The following MTREX variants were observed in gnomAD, a reference collection of about 807,000 sequenced individuals.
MTREX encodes the protein exosome RNA helicase MTR4.
In MTREX, 76 loss-of-function variants were observed where a neutral mutation model predicts 135.4. The ratio of observed to expected loss-of-function variants is 0.56; its 90% confidence interval spans 0.47 to 0.68. The LOEUF (loss-of-function observed/expected upper bound fraction) is 0.68, where lower values mean the gene tolerates loss of function less well. Among genes scored for constraint, MTREX ranks in the 30% least tolerant of loss-of-function variants. MTREX has a pLI of 0.00. For missense variants in MTREX, 920 were observed against 1,262.1 expected, an observed-to-expected ratio of 0.73 and a Z score of 4.11; for synonymous variants, 404 against 401.6, an observed-to-expected ratio of 1.01 and a Z score of -0.07.
chr5:55,322,407 A>C lies in MTREX; in HGVS notation c.215A>C (p.Asp72Ala). Residue 72 changes from aspartate to alanine, a missense_variant, in exon 2 of 27, where the codon GAT becomes GCT. Asp to Ala is a moderately radical substitution (Grantham distance 126). Transcript: ENST00000230640. ...AGAGATGTAGATTTCGAAGGTACAGATGAACCCATTTTTGGAAAGAAGCCC... is the reference window on the plus strand; with the variant it reads ...AGAGATGTAGATTTCGAAGGTACAGCTGAACCCATTTTTGGAAAGAAGCCC... The part of the protein sequence containing the change: ...NKRDVDFEGT[D>A]EPIFGKKPRI... 1 of 1,610,016 alleles carries C rather than the reference A, an allele frequency of 6.2e-7. No homozygotes were observed. The highest frequency in any genetic ancestry group is 8.5e-7 in the Non-Finnish European group (1 of 1,178,094).
chr5:55,405,004 G>A lies in MTREX; in HGVS notation c.2482-421G>A, dbSNP rs184661875. On this transcript the variant is annotated intron_variant, in intron 21 of 26. Coordinates refer to ENST00000230640, the MANE Select transcript of MTREX (RefSeq NM_015360.5). ...TTGTATGTGTGTTTTTAGTACAGAC[G>A]GAGTTTCACCATGTTGGCCAGGAAC... is the stretch of plus-strand genomic sequence containing the variant. Among the ~76,000 whole-genome samples, 202 of 151,678 alleles carry A rather than the reference G, an allele frequency of 1.3e-3. 2 individuals are homozygous for A. The Middle Eastern group carries it at 0.024, about 18-fold the overall frequency.
At chr5:55,411,569 G>T (rs1165521520) in intron 23 of MTREX, among the ~76,000 whole-genome samples, 1 of 152,012 alleles carries the variant, frequency 6.6e-6, no homozygotes, top group Admixed American at 6.6e-5. Flanking sequence ...TTATTAATCA[G>T]ATCAAATATA....
intron 4 of MTREX, 133 bp downstream of exon 4, chr5:55,327,911 C>A: frequency 1.7e-6 from 1 of 592,838 alleles, no homozygotes; most frequent in South Asian, 2.7e-5. Context: ...CAACTAAAGA[C>A]AAATATAATG....
intron 15 of MTREX, among the ~76,000 whole-genome samples, chr5:55,363,507 T>C (rs1048196101): frequency 6.6e-6 from 1 of 151,406 alleles, no homozygotes; most frequent in African/African-American, 2.5e-5. Context: ...GTCTTTATCA[T>C]TGGTTACCTG....
At chr5:55,373,795 G>T (rs1218193337) in intron 16 of MTREX, among the ~76,000 whole-genome samples, 1 of 152,006 alleles carries the variant, frequency 6.6e-6, no homozygotes, top group East Asian at 1.9e-4. Context: ...GGGCAGTCTT[G>T]GGGACTGAAC....
chr5:55,340,029 T>G lies in MTREX; in HGVS notation c.535T>G (p.Leu179Val). ...VCAEYAIALA[L>V]REKQRVIFTS... Reference sequence around the variant, plus strand: ...TTGTAGGTATGCCATTGCATTGGCCTTAAGGGAAAAGCAGCGTGTAATATT... The same window carrying G: ...TTGTAGGTATGCCATTGCATTGGCCGTAAGGGAAAAGCAGCGTGTAATATT... The change falls in exon 6 of 27, where the codon TTA becomes GTA. Residue 179 changes from leucine to valine, a missense_variant. By Grantham distance (32) the Leu-to-Val change is conservative. Coordinates refer to ENST00000230640, the MANE Select transcript of MTREX (RefSeq NM_015360.5). 2 of 1,559,008 alleles carry G rather than the reference T, an allele frequency of 1.3e-6. No homozygotes were observed. Among genetic ancestry groups the G allele is most frequent in the Non-Finnish European group, 1.7e-6 (2 of 1,153,614 alleles).
intron 1 of MTREX, among the ~76,000 whole-genome samples, chr5:55,309,478 A>G (rs1579840139): frequency 1.3e-5 from 2 of 152,310 alleles, no homozygotes; most frequent in Admixed American, 1.3e-4. Flanking sequence ...AGGCAGTGGC[A>G]GAGGAATGGA....
At chr5:55,402,272 A>C (rs1398684236) in intron 21 of MTREX, among the ~76,000 whole-genome samples, 2 of 152,202 alleles carry the variant, frequency 1.3e-5, no homozygotes, top group African/African-American at 4.8e-5. Flanking sequence ...AAGATGAGGA[A>C]ACTGGGACAC....
rs758458777 is a variant in MTREX, at chr5:55,343,400, C to T, written c.851C>T (p.Ala284Val). The T allele has an allele frequency of 6.2e-7, 1 of 1,613,408 alleles. No homozygotes were observed. The highest frequency in any genetic ancestry group is 8.5e-7 in the Non-Finnish European group (1 of 1,179,552). Residue 284 changes from alanine (A) to valine (V), a missense_variant, in exon 8 of 27, where the codon GCT becomes GTT. Ala to Val is a moderately conservative substitution (Grantham distance 64). Coordinates refer to ENST00000230640, the MANE Select transcript of MTREX (RefSeq NM_015360.5). ...PDNVHYVFLS[A>V]TIPNARQFAE... ...AACGTCCACTATGTCTTTCTTTCGG[C>T]TACTATTCCAAATGCCCGACAGTTT...
intron 2 of MTREX, among the ~76,000 whole-genome samples, chr5:55,322,875 C>T (rs1749311317): frequency 6.6e-6 from 1 of 152,168 alleles, no homozygotes; most frequent in Non-Finnish European, 1.5e-5. Flanking sequence ...AGTAGAGTGG[C>T]TGTGCATCTC....
Position 55,374,263 on chromosome 5 carries a change from T to C in MTREX, c.1811-4051T>C, listed in dbSNP as rs549952239. 4.1e-3 allele frequency among the ~76,000 whole-genome samples: 574 copies of C among 140,664 alleles called. 1 individual carries two copies. Among genetic ancestry groups the C allele is most frequent in the Admixed American group, 6.0e-3 (87 of 14,410 alleles). The allele number at this position is 140,664 out of a possible 152,430, so 92.3% of individuals were successfully genotyped here. Reference sequence around the variant, plus strand: ...CGGAGCAAGACTGTCTCAAAAAACATTTATATATATATATATATATATAAA... The same window carrying C: ...CGGAGCAAGACTGTCTCAAAAAACACTTATATATATATATATATATATAAA... On this transcript the variant is annotated intron_variant, in intron 16 of 26. Coordinates refer to ENST00000230640, the MANE Select transcript of MTREX (RefSeq NM_015360.5).
chr5:55,308,156 G>A lies in MTREX; in HGVS notation c.134+9G>A, dbSNP rs371073092. On this transcript the variant is annotated intron_variant, in intron 1 of 26. Coordinates refer to ENST00000230640, the MANE Select transcript of MTREX (RefSeq NM_015360.5). ...TCTGCAGACAAGGCAGGGTAAGGAA[G>A]AAGTTCCAGTTGTTGCTTTTATTTT... is the stretch of plus-strand genomic sequence containing the variant. The A allele has an allele frequency of 6.3e-7, 1 of 1,582,168 alleles. No individual in the cohort carries two copies. Among genetic ancestry groups the A allele is most frequent in the Non-Finnish European group, 8.6e-7 (1 of 1,167,212 alleles).
At chr5:55,349,843 C>T (rs1332567158) in intron 12 of MTREX, among the ~76,000 whole-genome samples, 191 bp downstream of exon 12, 1 of 152,124 alleles carries the variant, frequency 6.6e-6, no homozygotes, top group Non-Finnish European at 1.5e-5. Flanking sequence ...GATTTGCTGC[C>T]TGAAGGAACT....
At chr5:55,380,816 CAT>C (rs1750384592) in intron 18 of MTREX, among the ~76,000 whole-genome samples, 1 of 152,094 alleles carries the variant, frequency 6.6e-6, no homozygotes, top group African/African-American at 2.4e-5. Flanking sequence ...ATGCAGGCCT[CAT>C]AGAATGAGTT....
Position 55,404,036 on chromosome 5 carries a change from C to A in MTREX, c.2482-1389C>A, listed in dbSNP as rs1750763789. On this transcript the variant is annotated intron_variant, in intron 21 of 26. Transcript: ENST00000230640. ...TAAAATGCAGATTTAATATTAGTTC[C>A]CTACCTTTTAGGATTGCTATAAGAA... Among the ~76,000 whole-genome samples, 6 of 152,290 alleles carry A rather than the reference C, an allele frequency of 3.9e-5. 1 individual carries two copies. In the South Asian group the frequency reaches 1.2e-3, roughly 32 times the overall value.
chr5:55,407,647 A>G (rs1750827663), intron 22 of MTREX, among the ~76,000 whole-genome samples: 1 of 152,124 alleles, frequency 6.6e-6, no homozygotes, highest in South Asian at 2.1e-4. Flanking sequence ...CCACTGGCTA[A>G]TGTGTATCCC....
intron 22 of MTREX, 50 bp from the exon 23 acceptor site, chr5:55,410,474 A>G (rs370093099): frequency 4.7e-6 from 5 of 1,055,506 alleles, no homozygotes; most frequent in Non-Finnish European, 5.8e-6. Context: ...ATGTGTGTGC[A>G]TGTGTGTCTT....
intron 16 of MTREX, among the ~76,000 whole-genome samples, chr5:55,372,900 G>A (rs1167718578): frequency 3.6e-5 from 5 of 140,638 alleles, no homozygotes; most frequent in African/African-American, 1.4e-4. Context: ...TAATGTGTGT[G>A]TGTGTGTGTG....
intron 16 of MTREX, among the ~76,000 whole-genome samples, chr5:55,377,095 C>T (rs1266456440): frequency 1.3e-5 from 2 of 151,738 alleles, no homozygotes; most frequent in South Asian, 2.1e-4. Flanking sequence ...TTTGGGAGGC[C>T]GAGGCGGGTG....
Sources: gnomAD v4.1 joint callset for allele counts (sites outside exome capture counted in the v4.1 genomes callset) on GRCh38, gnomAD v4.1.1 for gene constraint, MANE v1.5 for transcripts, NCBI Gene and HGNC (gene_info 2026-07-23, HGNC 2026-07-21) for gene names.